SLIT2: variants seen among roughly 807,000 people sequenced by gnomAD.
SLIT2 encodes the protein slit homolog 2 protein.
A neutral mutation model predicts 185.7 loss-of-function variants in SLIT2; 41 were observed. The observed-to-expected ratio is 0.22, with a 90% CI of 0.17 to 0.29. The LOEUF (loss-of-function observed/expected upper bound fraction) is 0.29, where lower values mean the gene tolerates loss of function less well. Among genes scored for constraint, SLIT2 ranks in the 10% least tolerant of loss-of-function variants. The pLI, the probability that SLIT2 is intolerant of heterozygous loss-of-function variation, is 1.00. For synonymous variants in SLIT2, 693 were observed against 680.2 expected (o/e 1.02, Z -0.29); for missense variants, 1,571 against 1,909.0 (o/e 0.82, Z 3.30).
intron 29 of SLIT2, chr4:20,573,190 C>T (rs761988046): frequency 5.7e-6 from 4 of 702,834 alleles, no homozygotes; most frequent in Non-Finnish European, 7.8e-6. Flanking sequence ...TGTTGTATTG[C>T]AATGTAAAAA....
At chr4:20,354,278 ATTG>A (rs994897918) in intron 4 of SLIT2, among the ~76,000 whole-genome samples, 2 of 149,434 alleles carry the variant, frequency 1.3e-5, no homozygotes, top group African/African-American at 5.0e-5. Flanking sequence ...ACTGCTCTCT[ATTG>A]TTGTCTTTCT....
chr4:20,354,276 C>T (rs1205363915), intron 4 of SLIT2, among the ~76,000 whole-genome samples: 3 of 150,874 alleles, frequency 2.0e-5, no homozygotes, highest in Non-Finnish European at 4.4e-5. Flanking sequence ...TAACTGCTCT[C>T]TATTGTTGTC....
At chr4:20,381,221 C>T (rs2109342151) in intron 4 of SLIT2, among the ~76,000 whole-genome samples, 1 of 152,012 alleles carries the variant, frequency 6.6e-6, no homozygotes, top group Non-Finnish European at 1.5e-5. Flanking sequence ...CAACTGGGCT[C>T]CAGCTTGGGT....
At chr4:20,255,570 C>T (rs1711725108) in intron 1 of SLIT2, among the ~76,000 whole-genome samples, 1 of 151,960 alleles carries the variant, frequency 6.6e-6, no homozygotes, top group South Asian at 2.1e-4. Flanking sequence ...AGAGAAGCCA[C>T]GCAGAATTCT....
intron 4 of SLIT2, among the ~76,000 whole-genome samples, chr4:20,306,283 TATCTTTTG>T (rs1376562975): frequency 1.3e-5 from 2 of 152,158 alleles, no homozygotes; most frequent in Admixed American, 6.5e-5. Context: ...TACACAAGAC[TATCTTTTG>T]ATCATTACGT....
At chr4:20,480,885 A>G in intron 6 of SLIT2, 98 bp downstream of exon 6, 1 of 872,870 alleles carries the variant, frequency 1.1e-6, no homozygotes, top group East Asian at 2.4e-5. Flanking sequence ...CTTGTTGTCA[A>G]AATAGTCTCT....
intron 29 of SLIT2, among the ~76,000 whole-genome samples, chr4:20,587,494 A>G (rs1013357483): frequency 2.6e-5 from 4 of 152,206 alleles, no homozygotes; most frequent in Non-Finnish European, 5.9e-5. Flanking sequence ...TCAAGTTGGC[A>G]TGCTTAATCT....
At chr4:20,468,474 A>C (rs1185143945) in intron 5 of SLIT2, among the ~76,000 whole-genome samples, 2 of 152,102 alleles carry the variant, frequency 1.3e-5, no homozygotes, top group African/African-American at 4.8e-5. Flanking sequence ...CTTTAAAAAA[A>C]TGAAAGTGCA....
chr4:20,593,033 A>C (rs1577987180), intron 30 of SLIT2, among the ~76,000 whole-genome samples: 1 of 152,294 alleles, frequency 6.6e-6, no homozygotes, highest in Non-Finnish European at 1.5e-5. Context: ...AACCTTAGGC[A>C]TTCAGTAATG....
At chr4:20,392,617 C>T (rs1442015167) in intron 4 of SLIT2, among the ~76,000 whole-genome samples, 1 of 152,124 alleles carries the variant, frequency 6.6e-6, no homozygotes. Flanking sequence ...GCTTAAAACA[C>T]AAGTACATTG....
At chr4:20,567,448 T>G in intron 27 of SLIT2, 62 bp downstream of exon 27, 1 of 1,611,130 alleles carries the variant, frequency 6.2e-7, no homozygotes, top group Non-Finnish European at 8.5e-7. Context: ...TGTGCCTTTA[T>G]TATTCTACTG....
At chr4:20,428,044 C>A (rs1345519158) in intron 4 of SLIT2, among the ~76,000 whole-genome samples, 1 of 152,154 alleles carries the variant, frequency 6.6e-6, no homozygotes, top group Non-Finnish European at 1.5e-5. Flanking sequence ...TTGTTCACAG[C>A]AAAGAGAAAA....
At chr4:20,575,470 T>C (rs1726008409) in intron 29 of SLIT2, among the ~76,000 whole-genome samples, 1 of 152,164 alleles carries the variant, frequency 6.6e-6, no homozygotes, top group South Asian at 2.1e-4. Flanking sequence ...GGAAAAAACT[T>C]CTATGAAACA....
Position 20,539,488 on chromosome 4 carries a change from T to G in SLIT2, c.1880T>G (p.Ile627Arg). ...RITCVGNDSF[I>R]GLSSVRLLSL... ...ACCTGTGTGGGGAATGACAGTTTCA[T>G]AGGACTCAGTTCTGTGCGTTTGCTT... Residue 627 changes from isoleucine (I) to arginine (R), a missense_variant, in exon 19 of 37, where the codon ATA (isoleucine) becomes AGA (arginine). Ile to Arg is a moderately conservative substitution (Grantham distance 97). Transcript: ENST00000504154. The G allele has an allele frequency of 1.2e-6, 2 of 1,613,750 alleles. No homozygotes were observed. The highest frequency in any genetic ancestry group is 1.7e-6 in the Non-Finnish European group (2 of 1,179,768).
At chr4:20,293,277 A>G (rs1001612432) in intron 4 of SLIT2, among the ~76,000 whole-genome samples, 1 of 152,236 alleles carries the variant, frequency 6.6e-6, no homozygotes, top group Non-Finnish European at 1.5e-5. Flanking sequence ...CCCTGGGAAG[A>G]TTATGACTAT....
chr4:20,252,703 C>G lies in SLIT2; in HGVS notation c.-1113C>G, dbSNP rs958003944. Among the ~76,000 whole-genome samples, 3 of 152,244 alleles carry G rather than the reference C, an allele frequency of 2.0e-5. No individual in the cohort carries two copies. The highest frequency in any genetic ancestry group is 4.4e-5 in the Non-Finnish European group (3 of 68,046). The stretch of plus-strand genomic sequence containing the variant: ...GAGACGAGCGGGGTTGACACGCGCG[C>G]ACACACTACTGCCATTCAGCTGCCG... On this transcript the variant is annotated 5_prime_UTR_variant, in exon 1 of 37. Coordinates refer to ENST00000504154, the MANE Select transcript of SLIT2 (RefSeq NM_004787.4).
intron 4 of SLIT2, among the ~76,000 whole-genome samples, chr4:20,314,314 A>G (rs1367288377): frequency 6.6e-6 from 1 of 152,230 alleles, no homozygotes; most frequent in East Asian, 1.9e-4. Context: ...GCAAAGTATG[A>G]ACAACCTTCT....
chr4:20,528,895 A>C lies in SLIT2; in HGVS notation c.1463-54A>C, dbSNP rs1200219355. 3 of 1,439,366 alleles carry C rather than the reference A, an allele frequency of 2.1e-6. No homozygotes were observed. Among genetic ancestry groups the C allele is most frequent in the African/African-American group, 2.8e-5 (2 of 70,468 alleles). 89.2% of individuals were successfully genotyped at this position (1,439,366 alleles called of 1,614,324 possible). A position where few individuals can be genotyped will look rare whatever the true frequency, so the allele number is the denominator to read the frequency against. The stretch of plus-strand genomic sequence containing the variant: ...TACTTTTTTCTTCCTACAAACTAAT[A>C]AATTTTCTAACCTTTAGACTCAGTA... On this transcript the variant is annotated intron_variant, in intron 15 of 36. Transcript: ENST00000504154. The surrounding 1 kb of genome is among the most constrained non-coding windows in gnomAD (Gnocchi z 4.2).
chr4:20,301,859 G>A (rs1717078450), intron 4 of SLIT2, among the ~76,000 whole-genome samples: 1 of 152,108 alleles, frequency 6.6e-6, no homozygotes, highest in Admixed American at 6.6e-5. Context: ...CCCTAACTAT[G>A]CTAGACAGTG....
Sources: allele counts gnomAD v4.1 joint callset (sites outside exome capture counted in the v4.1 genomes callset), GRCh38; gene constraint gnomAD v4.1.1; non-coding constraint Gnocchi (gnomAD v3.1); transcripts MANE v1.5; gene names NCBI Gene and HGNC (gene_info 2026-07-23, HGNC 2026-07-21).